MPP3: variants seen among roughly 807,000 people sequenced by gnomAD.
The protein encoded by MPP3 is MAGUK p55 subfamily member 3.
A neutral mutation model predicts 80.7 loss-of-function variants in MPP3; 48 were observed. The ratio of observed to expected loss-of-function variants is 0.59; its 90% CI spans 0.47 to 0.76. The LOEUF is 0.76. Among genes scored for constraint, MPP3 ranks in the 30% least tolerant of loss-of-function variants. The probability of loss-of-function intolerance (pLI) is 0.00; values close to 1 mark genes in which losing one functional copy is unlikely to be tolerated. For synonymous variants in MPP3, 311 were observed against 297.6 expected, an observed-to-expected ratio of 1.04 and a Z score of -0.46; for missense variants, 620 against 763.0, an observed-to-expected ratio of 0.81 and a Z score of 2.21.
chr17:43,823,900 G>A, intron 10 of MPP3, 31 bp downstream of exon 10: 1 of 1,545,690 alleles, frequency 6.5e-7, no homozygotes, highest in Non-Finnish European at 8.9e-7. Context: ...CTCAAGCTGA[G>A]AGAGGGCACC....
intron 2 of MPP3, 45 bp from the exon 3 acceptor site, chr17:43,831,988 T>C: frequency 3.1e-6 from 4 of 1,278,312 alleles, no homozygotes; most frequent in Non-Finnish European, 4.5e-6. Flanking sequence ...CCATCAAGCA[T>C]ATTTATTGAA....
intron 19 of MPP3, among the ~76,000 whole-genome samples, chr17:43,808,636 C>T (rs1270774934): frequency 3.9e-5 from 6 of 152,216 alleles, no homozygotes; most frequent in Admixed American, 3.3e-4. Context: ...TTGATGAGTA[C>T]AGTCTGTCAC....
At chr17:43,822,678 TAAAA>T (rs56125167) in intron 10 of MPP3, among the ~76,000 whole-genome samples, 2 of 59,050 alleles carry the variant, frequency 3.4e-5, no homozygotes, top group South Asian at 1.7e-3. Flanking sequence ...ACTCCCATCC[TAAAA>T]AAAAAAAAAA....
chr17:43,824,150 T>C, intron 9 of MPP3, 145 bp from the exon 10 acceptor site: 1 of 540,358 alleles, frequency 1.9e-6, no homozygotes, highest in Non-Finnish European at 3.3e-6. Flanking sequence ...GATGGTGCCC[T>C]GGTTGAATGA....
At chr17:43,811,553 G>T in intron 16 of MPP3, 1 of 207,478 alleles carries the variant, frequency 4.8e-6, no homozygotes, top group Non-Finnish European at 9.6e-6. Flanking sequence ...TAACCACTCT[G>T]CTAACTGACT....
intron 10 of MPP3, among the ~76,000 whole-genome samples, chr17:43,823,365 A>ACT (rs1475747673): frequency 6.6e-6 from 1 of 152,054 alleles, no homozygotes; most frequent in Non-Finnish European, 1.5e-5. Context: ...CCAAGGTCCT[A>ACT]CTCGTCTTTA....
chr17:43,827,950 TG>T, intron 7 of MPP3, 118 bp from the exon 8 acceptor site: 1 of 899,668 alleles, frequency 1.1e-6, no homozygotes. Context: ...GAGAGATCAG[TG>T]GGGACCTTCC....
At chr17:43,825,975 G>A (rs182349504) in intron 8 of MPP3, 134 bp from the exon 9 acceptor site, 3 of 634,598 alleles carry the variant, frequency 4.7e-6, no homozygotes, top group East Asian at 5.6e-5. Context: ...TTGATGGGTG[G>A]GACTGGGGCG....
At chr17:43,805,414 G>A (rs917282057) in intron 19 of MPP3, among the ~76,000 whole-genome samples, 1 of 152,144 alleles carries the variant, frequency 6.6e-6, no homozygotes, top group African/African-American at 2.4e-5. Flanking sequence ...GTTAAACATA[G>A]AACTACCCTA....
intron 8 of MPP3, among the ~76,000 whole-genome samples, chr17:43,826,630 T>A (rs1598361621): frequency 6.6e-6 from 1 of 152,146 alleles, no homozygotes; most frequent in South Asian, 2.1e-4. Flanking sequence ...CCCAAACGAA[T>A]CTGGGGCACA....
Position 43,811,025 on chromosome 17 carries a change from C to T in MPP3, c.1349+87G>A, listed in dbSNP as rs1014434142. 7.6e-5 allele frequency: 111 copies of T among 1,456,364 alleles called. 1 individual carries two copies. Among genetic ancestry groups the T allele is most frequent in the South Asian group, 5.1e-4 (44 of 86,714 alleles). The allele number at this position is 1,456,364 out of a possible 1,614,324, so 90.2% of individuals were successfully genotyped here. A position where few individuals can be genotyped will look rare whatever the true frequency, so the allele number is the denominator to read the frequency against. ...TCTCTCCCGCTTCCCCCATCCTTTC[C>T]GGGAGTCCTCCCAGGAGCTCTAGTG... is the stretch of plus-strand genomic sequence containing the variant. On this transcript the variant is annotated intron_variant, in intron 17 of 19. Coordinates refer to ENST00000398389, the MANE Select transcript of MPP3 (RefSeq NM_001932.6).
chr17:43,803,367 A>C (rs1030997615), intron 19 of MPP3, among the ~76,000 whole-genome samples: 8 of 152,172 alleles, frequency 5.3e-5, no homozygotes, highest in Non-Finnish European at 1.2e-4. Context: ...TGGAGTAAAA[A>C]CGTGTGACAT....
intron 1 of MPP3, 40 bp from the exon 2 acceptor site, chr17:43,832,859 G>T: frequency 1.3e-5 from 2 of 152,684 alleles, no homozygotes; most frequent in South Asian, 3.9e-4. Flanking sequence ...CAGGAGCAGC[G>T]ACCCCGGGGG....
chr17:43,831,553 C>G lies in MPP3; in HGVS notation c.144+6G>C. ...CCCTTCCACGCAGGATGACGTGGGA[C>G]TTCACCTTCATTAAGTAACTGAGGC... is the stretch of plus-strand genomic sequence containing the variant. On this transcript the variant is annotated splice_donor_region_variant and intron_variant, in intron 4 of 19. Transcript: ENST00000398389. 1 of 1,599,660 alleles carries G rather than the reference C, an allele frequency of 6.3e-7. No homozygotes were observed. The highest frequency in any genetic ancestry group is 8.6e-7 in the Non-Finnish European group (1 of 1,167,458).
chr17:43,806,728 C>A (rs1289267739), intron 19 of MPP3, among the ~76,000 whole-genome samples: 4 of 152,114 alleles, frequency 2.6e-5, no homozygotes, highest in Non-Finnish European at 4.4e-5. Context: ...CCTGCCTCAG[C>A]CTCCCAAATA....
intron 2 of MPP3, chr17:43,832,223 G>A (rs900669170): frequency 4.5e-6 from 2 of 448,526 alleles, no homozygotes; most frequent in African/African-American, 2.1e-5. Flanking sequence ...TATTGATGAA[G>A]AAACAGCGGC....
At chr17:43,823,617 C>A in intron 10 of MPP3, among the ~76,000 whole-genome samples, 1 of 152,190 alleles carries the variant, frequency 6.6e-6, no homozygotes, top group Non-Finnish European at 1.5e-5. Flanking sequence ...ATGGCAGTTG[C>A]TTAATTGGTT....
At chr17:43,827,024 CTTTTTTTT>C (rs1055893218) in intron 8 of MPP3, among the ~76,000 whole-genome samples, 2 of 145,702 alleles carry the variant, frequency 1.4e-5, no homozygotes, top group African/African-American at 2.6e-5. Context: ...TTCTTTTTTT[CTTTTTTTT>C]GAGACGGAAT....
At position 43,820,845 on chromosome 17, in the gene MPP3, A is replaced by G; in HGVS notation, c.881+17T>C. On this transcript the variant is annotated intron_variant, in intron 11 of 19. Transcript: ENST00000398389. ...GCCACTCTGGAACCAGCCCTTCACAACATACCCCAGACCCACCTCTCCTGG... is the reference window on the plus strand; with the variant it reads ...GCCACTCTGGAACCAGCCCTTCACAGCATACCCCAGACCCACCTCTCCTGG... 1.2e-6 allele frequency: 2 copies of G among 1,613,372 alleles called. No individual in the cohort carries two copies. Among genetic ancestry groups the G allele is most frequent in the Non-Finnish European group, 1.7e-6 (2 of 1,179,484 alleles).
Sources: gnomAD v4.1 joint callset for allele counts (sites outside exome capture counted in the v4.1 genomes callset) on GRCh38, gnomAD v4.1.1 for gene constraint, MANE v1.5 for transcripts, NCBI Gene and HGNC (gene_info 2026-07-23, HGNC 2026-07-21) for gene names.